Variants in ATG7 observed in about 807,000 individuals in gnomAD.
ATG7 encodes the protein ubiquitin-like modifier-activating enzyme ATG7.
ATG7 carries 70 observed loss-of-function variants against 82.4 expected under a neutral mutation model. The ratio of observed to expected loss-of-function variants is 0.85; its 90% CI spans 0.70 to 1.04. ATG7 has a LOEUF of 1.04. Among genes scored for constraint, ATG7 ranks in the 50% least tolerant of loss-of-function variants. The probability of loss-of-function intolerance (pLI) is 0.00; values close to 1 mark genes in which losing one functional copy is unlikely to be tolerated. For synonymous variants in ATG7, 287 were observed against 313.0 expected, an observed-to-expected ratio of 0.92 and a Z score of 0.88; for missense variants, 792 against 864.3, an observed-to-expected ratio of 0.92 and a Z score of 1.05.
chr3:11,511,181 G>A (rs570810648), intron 20 of ATG7, among the ~76,000 whole-genome samples: 79 of 152,288 alleles, frequency 5.2e-4, no homozygotes, highest in Non-Finnish European at 6.6e-4. Context: ...GGACCTGAGC[G>A]GGTTGCCAAT....
At chr3:11,465,119 A>C (rs994630730) in intron 20 of ATG7, among the ~76,000 whole-genome samples, 2 of 147,898 alleles carry the variant, frequency 1.4e-5, no homozygotes, top group African/African-American at 5.2e-5. Flanking sequence ...GTGTGTAAGG[A>C]CACCTCCAGA....
chr3:11,369,584 A>G lies in ATG7; in HGVS notation c.1875+4850A>G, dbSNP rs139583762. The stretch of plus-strand genomic sequence containing the variant: ...GTATCCCAAGCCATTTGGATGTAGT[A>G]GAGTCTGGTTCCAGTGGGGAGGCCT... On this transcript the variant is annotated intron_variant, in intron 18 of 20. Transcript: ENST00000693202. 2.0e-5 allele frequency among the ~76,000 whole-genome samples: 3 copies of G among 151,312 alleles called. No homozygotes were observed. In the East Asian group the frequency reaches 5.8e-4, roughly 29 times the overall value.
chr3:11,559,415 C>A (rs566280584), downstream of ATG7: 3 of 1,563,068 alleles, frequency 1.9e-6, no homozygotes, highest in Admixed American at 3.8e-5. Context: ...GTTGCAGTTG[C>A]GGGCGCCAGC....
At chr3:11,569,213 C>T in the ATG7 span, among the ~76,000 whole-genome samples, 3 of 152,214 alleles carry the variant, frequency 2.0e-5, no homozygotes, top group Non-Finnish European at 4.4e-5. Context: ...GCCCTTAGCC[C>T]CATCACCTGA....
Position 11,309,749 on chromosome 3 carries a change from G to A in ATG7, c.411+688G>A, listed in dbSNP as rs577571406. ...CACACACACAGCAACACACAGATGTGTGTATATATATCTGTGTATATAAAA... is the reference window on the plus strand; with the variant it reads ...CACACACACAGCAACACACAGATGTATGTATATATATCTGTGTATATAAAA... On this transcript the variant is annotated intron_variant, in intron 7 of 20. Coordinates refer to ENST00000693202, the MANE Select transcript of ATG7 (RefSeq NM_001349232.2). 5.9e-5 allele frequency among the ~76,000 whole-genome samples: 9 copies of A among 152,216 alleles called. No individual in the cohort carries two copies. In the East Asian group the frequency reaches 1.7e-3, roughly 29 times the overall value.
intron 20 of ATG7, among the ~76,000 whole-genome samples, chr3:11,513,685 G>T (rs1418762367): frequency 6.6e-6 from 1 of 152,238 alleles, no homozygotes; most frequent in Non-Finnish European, 1.5e-5. Flanking sequence ...CCAGAAAGGG[G>T]CTCCCACAGT....
chr3:11,409,477 G>C (rs1014906441), intron 19 of ATG7, among the ~76,000 whole-genome samples: 2 of 152,220 alleles, frequency 1.3e-5, no homozygotes, highest in Non-Finnish European at 2.9e-5. Flanking sequence ...AGGGAGGCTA[G>C]GGTAGGCTCA....
At chr3:11,288,657 G>T (rs1446611183) in intron 3 of ATG7, 1 of 152,108 alleles carries the variant, frequency 6.6e-6, no homozygotes, top group Non-Finnish European at 1.5e-5. Context: ...AGCTTTCTTG[G>T]GAGGCAACCG....
At chr3:11,440,538 A>T (rs887466078) in intron 20 of ATG7, among the ~76,000 whole-genome samples, 1 of 149,586 alleles carries the variant, frequency 6.7e-6, no homozygotes, top group African/African-American at 2.5e-5. Context: ...TTTAGCCGGG[A>T]TGGTCTCGAT....
Position 11,411,619 on chromosome 3 carries a change from C to CAAAAAAAAAAAAAA in ATG7, c.1957-15169_1957-15156dup, listed in dbSNP as rs71055868. Among the ~76,000 whole-genome samples the CAAAAAAAAAAAAAA allele has an allele frequency of 5.0e-4, 36 of 71,752 alleles. 2 individuals carry two copies. The highest frequency in any genetic ancestry group is 9.1e-4 in the Admixed American group (6 of 6,562). The allele number at this position is 71,752 out of a possible 152,430, so 47.1% of individuals were successfully genotyped here. On this transcript the variant is annotated intron_variant, in intron 19 of 20. Coordinates refer to ENST00000693202, the MANE Select transcript of ATG7 (RefSeq NM_001349232.2). ...TGGTGACACAGCAAGACTCTGTCTC[C>CAAAAAAAAAAAAAA]AAAAAAAAAAAAAAAAAAAAAAAAA...
chr3:11,272,892 C>T (rs1940795191), intron 1 of ATG7, among the ~76,000 whole-genome samples: 1 of 152,216 alleles, frequency 6.6e-6, no homozygotes, highest in Admixed American at 6.5e-5. Context: ...AATAAGTTTA[C>T]TTTCTGAGAA....
At chr3:11,315,273 T>C in intron 8 of ATG7, 71 bp from the exon 9 acceptor site, 1 of 1,341,848 alleles carries the variant, frequency 7.5e-7, no homozygotes, top group East Asian at 2.5e-5. Flanking sequence ...TACCTTTTTT[T>C]TGAGTTAGTT....
chr3:11,349,265 G>A (rs2152792162), intron 14 of ATG7, among the ~76,000 whole-genome samples: 1 of 152,290 alleles, frequency 6.6e-6, no homozygotes, highest in Non-Finnish European at 1.5e-5. Context: ...AACCCAGGAA[G>A]TCCAGCTGGT....
chr3:11,495,660 T>A (rs2090769094), intron 20 of ATG7, among the ~76,000 whole-genome samples: 1 of 69,304 alleles, frequency 1.4e-5, no homozygotes, highest in Non-Finnish European at 2.6e-5. Context: ...ACATTTCTCC[T>A]AATGCTGTCT....
chr3:11,470,008 A>AAAAG (rs1399975005), intron 20 of ATG7, among the ~76,000 whole-genome samples: 5 of 141,088 alleles, frequency 3.5e-5, no homozygotes, highest in African/African-American at 5.4e-5. Flanking sequence ...AAAAAAAAAA[A>AAAAG]AGAGAGAGAG....
chr3:11,484,903 A>G (rs1574950076), intron 20 of ATG7, among the ~76,000 whole-genome samples: 1 of 152,162 alleles, frequency 6.6e-6, no homozygotes, highest in African/African-American at 2.4e-5. Context: ...ATAGTATTCC[A>G]TGGTGTATAT....
the ATG7 span, among the ~76,000 whole-genome samples, chr3:11,573,247 GAAAGAAAGAAAGAAAGAAAGAA>G: frequency 2.1e-5 from 1 of 47,728 alleles, no homozygotes; most frequent in Admixed American, 2.2e-4. Flanking sequence ...AAGAAATAGA[GAAAGAAAGAAAGAAAGAAAGAA>G]AGAAAGAAAG....
chr3:11,466,123 T>C (rs2086803016), intron 20 of ATG7, among the ~76,000 whole-genome samples: 1 of 152,216 alleles, frequency 6.6e-6, no homozygotes, highest in Admixed American at 6.5e-5. Context: ...CCCCCAGGCA[T>C]GAGAAGAACT....
At chr3:11,378,027 A>ATTTTTTTTTTGTTTTTTT (rs2077557126) in intron 18 of ATG7, among the ~76,000 whole-genome samples, 1 of 92,742 alleles carries the variant, frequency 1.1e-5, no homozygotes, top group Non-Finnish European at 1.8e-5. Flanking sequence ...CCAGTTACCA[A>ATTTTTTTTTTGTTTTTTT]TTTTTTTTTT....
Sources: allele counts gnomAD v4.1 joint callset (sites outside exome capture counted in the v4.1 genomes callset), GRCh38; gene constraint gnomAD v4.1.1; transcripts MANE v1.5; gene names NCBI Gene and HGNC (gene_info 2026-07-23, HGNC 2026-07-21).